The following CMPK2 variants were observed in gnomAD, a reference collection of about 807,000 sequenced individuals.
CMPK2 encodes UMP-CMP kinase 2, mitochondrial.
In CMPK2, 32 loss-of-function variants were observed where a neutral mutation model predicts 33.4. That is an observed-to-expected ratio of 0.96 (90% CI 0.72 to 1.29). The LOEUF is 1.29. CMPK2 is among the 50% of genes most tolerant of loss of function. The pLI, the probability that CMPK2 is intolerant of heterozygous loss-of-function variation, is 0.00. For synonymous variants in CMPK2, 299 were observed against 275.3 expected (o/e 1.09, Z -0.85); for missense variants, 672 against 616.0 (o/e 1.09, Z -0.96).
At position 6,855,288 on chromosome 2, in the gene CMPK2, G is replaced by T. The variant is rs1469100425; in HGVS notation, c.993-3605C>A. Among the ~76,000 whole-genome samples, 4 of 149,966 alleles carry T rather than the reference G, an allele frequency of 2.7e-5. No homozygotes were observed. In the East Asian group the frequency reaches 8.0e-4, roughly 30 times the overall value. On this transcript the variant is annotated intron_variant, in intron 3 of 4. Coordinates refer to ENST00000256722, the MANE Select transcript of CMPK2 (RefSeq NM_207315.4). Reference sequence around the variant, plus strand: ...CATGAGATCTGGGTGTTTAAAATGTGTAGCACTTCCCCCTGCTCTCTCGCC... The same window carrying T: ...CATGAGATCTGGGTGTTTAAAATGTTTAGCACTTCCCCCTGCTCTCTCGCC...
chr2:6,858,125 T>C (rs1025104557), intron 3 of CMPK2, among the ~76,000 whole-genome samples: 22 of 152,316 alleles, frequency 1.4e-4, no homozygotes, highest in African/African-American at 5.1e-4. Context: ...TTGTCAGATA[T>C]GTTAGCTTAT....
rs1662428195 is a variant in CMPK2 at position 6,848,832 on chromosome 2, A to G, written c.*1018T>C. 1.0e-6 allele frequency: 1 copy of G among 985,736 alleles called. No homozygotes were observed. The highest frequency in any genetic ancestry group is 1.7e-5 in the African/African-American group (1 of 57,254). The allele number at this position is 985,736 out of a possible 1,614,324, so 61.1% of individuals were successfully genotyped here. ...TAAAGATATGTCAAAGCGATTTCAT[A>G]TGTAATCATGAGACATTCAAGTGCA... On this transcript the variant is annotated 3_prime_UTR_variant, in exon 5 of 5. Coordinates refer to ENST00000256722, the MANE Select transcript of CMPK2 (RefSeq NM_207315.4).
Position 6,865,338 on chromosome 2 carries a change from G to T in CMPK2, c.359C>A (p.Pro120Gln). ...CTGTGCGCCGCCGGCCTGGCCGCCCGGGCAGTAGCAGAGCAGCCTGAGCAG... is the reference window on the plus strand; with the variant it reads ...CTGTGCGCCGCCGGCCTGGCCGCCCTGGCAGTAGCAGAGCAGCCTGAGCAG... The part of the protein sequence containing the change: ...CQLLRLLCYC[P>Q]GGQAGGAQQG... Residue 120 changes from proline to glutamine, a missense_variant, in exon 1 of 5, where the codon CCG becomes CAG. Transcript: ENST00000256722. The T allele has an allele frequency of 6.7e-7, 1 of 1,485,962 alleles. No homozygotes were observed. The allele number at this position is 1,485,962 out of a possible 1,614,324, so 92.0% of individuals were successfully genotyped here.
chr2:6,854,294 G>T (rs111550512), intron 3 of CMPK2, among the ~76,000 whole-genome samples: 3,841 of 152,218 alleles, frequency 0.025, 156 homozygotes, highest in African/African-American at 0.087. Flanking sequence ...TCACCAGCAA[G>T]AATAGATTTT....
chr2:6,859,199 T>TGTTAAAGGTATTCGGTTTTAAA (rs1228437292), intron 3 of CMPK2, among the ~76,000 whole-genome samples: 4 of 152,204 alleles, frequency 2.6e-5, no homozygotes, highest in Non-Finnish European at 4.4e-5. Context: ...AAGAGGTGAC[T>TGTTAAAGGTATTCGGTTTTAAA]TGGATGCTGT....
At chr2:6,850,903 TAAAAC>T (rs1332582999) in intron 4 of CMPK2, 2 of 992,242 alleles carry the variant, frequency 2.0e-6, no homozygotes, top group African/African-American at 3.5e-5. Context: ...ACTTTCTAAT[TAAAAC>T]AAAAACACTG....
chr2:6,857,368 G>GTGTCATCCTCTTGCTT (rs1460509917), intron 3 of CMPK2, among the ~76,000 whole-genome samples: 3 of 139,154 alleles, frequency 2.2e-5, no homozygotes, highest in African/African-American at 8.1e-5. Flanking sequence ...CCCTCTTGCT[G>GTGTCATCCTCTTGCTT]TGTCATCCTC....
chr2:6,849,016 A>G lies in CMPK2; in HGVS notation c.*834T>C, dbSNP rs915866174. 1.0e-6 allele frequency: 1 copy of G among 982,754 alleles called. No individual in the cohort carries two copies. The highest frequency in any genetic ancestry group is 1.7e-5 in the African/African-American group (1 of 57,182). The allele number at this position is 982,754 out of a possible 1,614,324, so 60.9% of individuals were successfully genotyped here. A position where few individuals can be genotyped will look rare whatever the true frequency, so the allele number is the denominator to read the frequency against. On this transcript the variant is annotated 3_prime_UTR_variant, in exon 5 of 5. Transcript: ENST00000256722. ...AGCTCCTATGCTGAGGAAACATATTATGTATAGATTAATATAAATAAATTA... is the reference window on the plus strand; with the variant it reads ...AGCTCCTATGCTGAGGAAACATATTGTGTATAGATTAATATAAATAAATTA...
downstream of CMPK2, among the ~76,000 whole-genome samples, chr2:6,843,969 G>C (rs1463929634): frequency 6.6e-6 from 1 of 152,152 alleles, no homozygotes; most frequent in Non-Finnish European, 1.5e-5. Context: ...TGAGCCCTAG[G>C]ACCCATTAGT....
At chr2:6,858,158 C>A (rs1314808324) in intron 3 of CMPK2, among the ~76,000 whole-genome samples, 1 of 151,888 alleles carries the variant, frequency 6.6e-6, no homozygotes, top group Non-Finnish European at 1.5e-5. Context: ...TTCATTCTTG[C>A]AGATTTCTTT....
At chr2:6,850,073 TTCCCATGTC>T in intron 4 of CMPK2, 100 bp from the exon 5 acceptor site, 6 of 865,926 alleles carry the variant, frequency 6.9e-6, no homozygotes, top group Non-Finnish European at 1.1e-5. Flanking sequence ...TGAAGCAAGC[TTCCCATGTC>T]ATTTATCTCA....
intron 1 of CMPK2, among the ~76,000 whole-genome samples, chr2:6,864,604 G>A (rs1384311153): frequency 6.6e-6 from 1 of 152,182 alleles, no homozygotes; most frequent in African/African-American, 2.4e-5. Flanking sequence ...CAGTCGGTAG[G>A]TAAACACTAT....
chr2:6,852,709 A>G (rs575322758), intron 3 of CMPK2, among the ~76,000 whole-genome samples: 2 of 152,330 alleles, frequency 1.3e-5, no homozygotes, highest in African/African-American at 4.8e-5. Context: ...TAGATATGCA[A>G]TGAAAGAATG....
rs200658474 is a variant in CMPK2, at chr2:6,851,466, T to C, written c.1210A>G (p.Ser404Gly). 164 of 1,614,236 alleles carry C rather than the reference T, an allele frequency of 1.0e-4. No individual in the cohort carries two copies. Among genetic ancestry groups the C allele is most frequent in the Non-Finnish European group, 1.4e-4 (160 of 1,180,044 alleles). Residue 404 changes from serine to glycine, a missense_variant, in exon 4 of 5, where the codon AGT (serine) becomes GGT (glycine). Transcript: ENST00000256722. The stretch of plus-strand genomic sequence containing the variant: ...GACACCTACTTTTGACGAAACACAC[T>C]GTTGGCCTCAAGTTCTGCTTCTTCC... ...TREEAELEANSVFRQKVEMSY... is the reference protein window; with the variant it reads ...TREEAELEANGVFRQKVEMSY...
chr2:6,865,958 A>G, upstream of CMPK2: 2 of 1,182,334 alleles, frequency 1.7e-6, no homozygotes, highest in South Asian at 1.6e-5. Flanking sequence ...CCGGGGCCCC[A>G]GGTGCGCGGC....
rs1299258866 is a variant in CMPK2, at chr2:6,865,341, C to T, written c.356G>A (p.Cys119Tyr). 4 of 1,483,280 alleles carry T rather than the reference C, an allele frequency of 2.7e-6. No individual in the cohort carries two copies. Among genetic ancestry groups the T allele is most frequent in the Non-Finnish European group, 3.6e-6 (4 of 1,124,662 alleles). 91.9% of individuals were successfully genotyped at this position (1,483,280 alleles called of 1,614,324 possible). ...TGCGCCGCCGGCCTGGCCGCCCGGG[C>T]AGTAGCAGAGCAGCCTGAGCAGCTG... Reference protein sequence around the residue: ...RCQLLRLLCYCPGGQAGGAQQ... With the variant: ...RCQLLRLLCYYPGGQAGGAQQ... The change falls in exon 1 of 5, where the codon TGC (cysteine) becomes TAC (tyrosine). Residue 119 changes from cysteine to tyrosine, a missense_variant. Coordinates refer to ENST00000256722, the MANE Select transcript of CMPK2 (RefSeq NM_207315.4).
At chr2:6,866,552 C>T, upstream of CMPK2, 1 of 846,956 alleles carries the variant, frequency 1.2e-6, no homozygotes, top group South Asian at 5.4e-5. Flanking sequence ...GTTTCCTGCA[C>T]TAAGGTGAAG....
chr2:6,851,375 C>T (rs1249929250), intron 4 of CMPK2, 75 bp downstream of exon 4: 1 of 1,598,442 alleles, frequency 6.3e-7, no homozygotes, highest in Non-Finnish European at 8.5e-7. Context: ...CCTCACAATC[C>T]TAAAGCCAGT....
chr2:6,860,051 G>A lies in CMPK2; in HGVS notation c.992+1133C>T, dbSNP rs140551598. Among the ~76,000 whole-genome samples, 817 of 152,352 alleles carry A rather than the reference G, an allele frequency of 5.4e-3. 3 individuals are homozygous for A. Among genetic ancestry groups the A allele is most frequent in the African/African-American group, 0.018 (757 of 41,566 alleles). ...TAGAGTCAAAGGAGATAATTTTGGA[G>A]CTTTAAGATTTGACTGCCCAGCTGA... On this transcript the variant is annotated intron_variant, in intron 3 of 4. Coordinates refer to ENST00000256722, the MANE Select transcript of CMPK2 (RefSeq NM_207315.4).
Sources: gnomAD v4.1 joint callset for allele counts (sites outside exome capture counted in the v4.1 genomes callset) on GRCh38, gnomAD v4.1.1 for gene constraint, MANE v1.5 for transcripts, NCBI Gene and HGNC (gene_info 2026-07-23, HGNC 2026-07-21) for gene names.